Variants in TMX3 observed in about 807,000 individuals in gnomAD.
TMX3 encodes the protein protein disulfide-isomerase TMX3.
In TMX3, 40 loss-of-function variants were observed where a neutral mutation model predicts 64.4. The ratio of observed to expected loss-of-function variants is 0.62; its 90% confidence interval spans 0.48 to 0.81. TMX3 has a LOEUF of 0.81. Among genes scored for constraint, TMX3 ranks in the 30% least tolerant of loss-of-function variants. The probability of loss-of-function intolerance (pLI) is 0.00; values close to 1 mark genes in which losing one functional copy is unlikely to be tolerated. For missense variants in TMX3, 497 were observed against 534.5 expected (o/e 0.93, Z 0.69); for synonymous variants, 189 against 175.7 (o/e 1.08, Z -0.60).
chr18:68,714,962 C>CA lies in TMX3; in HGVS notation c.19dup (p.Trp7LeufsTer14), dbSNP rs1182115745. 1 of 1,573,904 alleles carries CA rather than the reference C, an allele frequency of 6.4e-7. No individual in the cohort carries two copies. The highest frequency in any genetic ancestry group is 8.6e-7 in the Non-Finnish European group (1 of 1,160,480). ...TGTGGCGCAGAGCCGCAGGGCCGTC[C>CA]AACTCTTCCACGCTGCCATGCTAGC... On this transcript the variant is annotated frameshift_variant, in exon 1 of 16. Transcript: ENST00000299608. LOFTEE classifies it high-confidence loss of function.
At chr18:68,689,319 T>C (rs2145042854) in intron 9 of TMX3, among the ~76,000 whole-genome samples, 1 of 152,210 alleles carries the variant, frequency 6.6e-6, no homozygotes, top group South Asian at 2.1e-4. Flanking sequence ...AGGGGGATGC[T>C]TTCCTAGGCA....
chr18:68,697,560 T>C (rs1915215180), intron 7 of TMX3: 1 of 344,174 alleles, frequency 2.9e-6, no homozygotes, highest in Non-Finnish European at 5.2e-6. Flanking sequence ...TATGTATTCA[T>C]TTAATTATAA....
Position 68,701,588 on chromosome 18 carries a change from A to C in TMX3, c.311+157T>G, listed in dbSNP as rs3745058. The C allele has an allele frequency of 0.087, 130,302 of 1,492,892 alleles. 6,062 individuals are homozygous for C. Among genetic ancestry groups the C allele is most frequent in the East Asian group, 0.11 (4,084 of 38,452 alleles). 92.5% of individuals were successfully genotyped at this position (1,492,892 alleles called of 1,614,324 possible). A position where few individuals can be genotyped will look rare whatever the true frequency, so the allele number is the denominator to read the frequency against. On this transcript the variant is annotated intron_variant, in intron 5 of 15. Coordinates refer to ENST00000299608, the MANE Select transcript of TMX3 (RefSeq NM_019022.5). ...CTTAAATACGAAGAAAAGCATAAAG[A>C]AGCAGTCCCTCTCCTTTAATTACAT...
At position 68,683,997 on chromosome 18, in the gene TMX3, A is replaced by G. The variant is rs994217620; in HGVS notation, c.848+193T>C. On this transcript the variant is annotated intron_variant, in intron 12 of 15. Transcript: ENST00000299608. ...AAAATTATAGTATATGTAGCATTCCATTCTATGCTAAGTTTCAGTCACCCA... is the reference window on the plus strand; with the variant it reads ...AAAATTATAGTATATGTAGCATTCCGTTCTATGCTAAGTTTCAGTCACCCA... Among the ~76,000 whole-genome samples the G allele has an allele frequency of 3.9e-5, 6 of 152,258 alleles. No homozygotes were observed. In the South Asian group the frequency reaches 1.2e-3, roughly 32 times the overall value.
At chr18:68,692,806 A>G (rs1914652055) in intron 8 of TMX3, among the ~76,000 whole-genome samples, 1 of 152,210 alleles carries the variant, frequency 6.6e-6, no homozygotes, top group Non-Finnish European at 1.5e-5. Context: ...GTAATACACA[A>G]ATACTAAATA....
intron 14 of TMX3, 65 bp from the exon 15 acceptor site, chr18:68,679,596 T>A: frequency 7.0e-7 from 1 of 1,424,708 alleles, no homozygotes; most frequent in Non-Finnish European, 9.7e-7. Context: ...TGGTGTTACA[T>A]AACCTTACAA....
chr18:68,711,275 T>C, intron 3 of TMX3, 89 bp downstream of exon 3: 2 of 916,002 alleles, frequency 2.2e-6, no homozygotes, highest in Non-Finnish European at 3.2e-6. Flanking sequence ...GCACTAGCTG[T>C]TTACTGCCAT....
chr18:68,691,390 T>C, intron 8 of TMX3, 29 bp from the exon 9 acceptor site: 1 of 1,403,070 alleles, frequency 7.1e-7, no homozygotes, highest in Non-Finnish European at 9.5e-7. Context: ...TTAAATAACT[T>C]TTATCACTAA....
intron 4 of TMX3, among the ~76,000 whole-genome samples, chr18:68,707,258 C>T (rs986358970): frequency 1.3e-5 from 2 of 151,438 alleles, no homozygotes; most frequent in African/African-American, 4.9e-5. Context: ...GCAAGCCACA[C>T]TATCCAAGGT....
At chr18:68,684,963 T>A (rs1264524658) in intron 10 of TMX3, among the ~76,000 whole-genome samples, 2 of 152,196 alleles carry the variant, frequency 1.3e-5, no homozygotes, top group Non-Finnish European at 2.9e-5. Flanking sequence ...GGTACCATGG[T>A]TCAGTACTTG....
In TMX3 at chr18:68,714,812, G is replaced by A. The variant is rs892785601; in HGVS notation, c.46+124C>T. 5.3e-6 allele frequency: 7 copies of A among 1,315,482 alleles called. No homozygotes were observed. The East Asian group carries it at 8.4e-5, about 16-fold the overall frequency. 81.5% of individuals were successfully genotyped at this position (1,315,482 alleles called of 1,614,324 possible). A position where few individuals can be genotyped will look rare whatever the true frequency, so the allele number is the denominator to read the frequency against. On this transcript the variant is annotated intron_variant, in intron 1 of 15. Coordinates refer to ENST00000299608, the MANE Select transcript of TMX3 (RefSeq NM_019022.5). ...GCGGCGGGGGCGGCAGGACGCTGCCGGGAATGGGTGGGCATCTCCACGAAC... is the reference window on the plus strand; with the variant it reads ...GCGGCGGGGGCGGCAGGACGCTGCCAGGAATGGGTGGGCATCTCCACGAAC...
In TMX3 at chr18:68,713,889, CA is replaced by C; in HGVS notation, c.57del (p.Asp20IlefsTer9). On this transcript the variant is annotated frameshift_variant, in exon 2 of 16. Transcript: ENST00000299608. LOFTEE classifies it high-confidence loss of function. ...ACAAATCCTTTACAGACGACCATAT[CA>C]AGTACAACAACTGAAAAAAAAAGAC... The part of the protein sequence containing the change: ...ALRLCATVVV[L>X]DMVVCKGFVE... The C allele has an allele frequency of 6.3e-7, 1 of 1,578,512 alleles. No homozygotes were observed. The highest frequency in any genetic ancestry group is 8.7e-7 in the Non-Finnish European group (1 of 1,153,366).
At chr18:68,689,794 T>C (rs1471751035) in intron 9 of TMX3, 1 of 152,216 alleles carries the variant, frequency 6.6e-6, no homozygotes, top group African/African-American at 2.4e-5. Flanking sequence ...AATAAGCATA[T>C]GATAAACCTG....
chr18:68,704,768 T>G (rs952319201), intron 4 of TMX3, among the ~76,000 whole-genome samples: 33 of 152,334 alleles, frequency 2.2e-4, no homozygotes, highest in Admixed American at 8.5e-4. Context: ...ACATGAAGTC[T>G]TCTACTTCAT....
At chr18:68,700,111 C>T (rs897165814) in intron 6 of TMX3, among the ~76,000 whole-genome samples, 6 of 152,130 alleles carry the variant, frequency 3.9e-5, no homozygotes, top group Admixed American at 3.3e-4. Context: ...CACAGAGTTG[C>T]TACACGTAAT....
chr18:68,681,439 C>T (rs974501259), intron 13 of TMX3: 24 of 978,300 alleles, frequency 2.5e-5, no homozygotes, highest in Middle Eastern at 5.1e-4. Context: ...TGTTGTTCAA[C>T]GGTCAACAGT....
intron 8 of TMX3, among the ~76,000 whole-genome samples, chr18:68,693,870 C>A (rs139478093): frequency 1.5e-4 from 23 of 152,094 alleles, no homozygotes; most frequent in Non-Finnish European, 2.8e-4. Context: ...CCAAGTGGAT[C>A]GTGCCTTTTC....
At chr18:68,698,202 C>A (rs1298950052) in intron 6 of TMX3, among the ~76,000 whole-genome samples, 171 bp from the exon 7 acceptor site, 1 of 152,110 alleles carries the variant, frequency 6.6e-6, no homozygotes, top group African/African-American at 2.4e-5. Flanking sequence ...TGGTCCATGA[C>A]TACTATTGCA....
chr18:68,714,753 A>G (rs1269435040), intron 1 of TMX3, among the ~76,000 whole-genome samples, 183 bp downstream of exon 1: 1 of 152,196 alleles, frequency 6.6e-6, no homozygotes, highest in Admixed American at 6.5e-5. Flanking sequence ...AAGGACCCCA[A>G]GGTGTCCGCT....
Sources: gnomAD v4.1 joint callset for allele counts (sites outside exome capture counted in the v4.1 genomes callset) on GRCh38, gnomAD v4.1.1 for gene constraint, MANE v1.5 for transcripts, NCBI Gene and HGNC (gene_info 2026-07-23, HGNC 2026-07-21) for gene names.